The following TRAPPC9 variants were observed in gnomAD, a reference collection of about 807,000 sequenced individuals.
The protein encoded by TRAPPC9 is IKK2 binding protein.
In TRAPPC9, 83 loss-of-function variants were observed where a neutral mutation model predicts 124.0. That is an observed-to-expected ratio of 0.67 (90% confidence interval 0.56 to 0.80). The LOEUF is 0.80. Among genes scored for constraint, TRAPPC9 ranks in the 30% least tolerant of loss-of-function variants. TRAPPC9 has a pLI of 0.00. For missense variants in TRAPPC9, 1,302 were observed against 1,508.3 expected (o/e 0.86, Z 2.27); for synonymous variants, 638 against 617.5 (o/e 1.03, Z -0.49).
At chr8:140,258,987 G>A (rs1274778323) in intron 15 of TRAPPC9, among the ~76,000 whole-genome samples, 2 of 152,188 alleles carry the variant, frequency 1.3e-5, no homozygotes, top group African/African-American at 4.8e-5. Flanking sequence ...CCAAGAACCA[G>A]CCGCCCCTTT....
intron 18 of TRAPPC9, among the ~76,000 whole-genome samples, chr8:140,022,356 G>A (rs149261447): frequency 7.9e-4 from 120 of 152,222 alleles, no homozygotes; most frequent in African/African-American, 2.8e-3. Flanking sequence ...AAAGAACCAC[G>A]GAAACCAAAA....
chr8:140,212,935 G>A (rs2063095890), intron 17 of TRAPPC9, among the ~76,000 whole-genome samples: 1 of 151,776 alleles, frequency 6.6e-6, no homozygotes, highest in Non-Finnish European at 1.5e-5. Flanking sequence ...TGGGCATGGT[G>A]GCGCACACCT....
At chr8:140,392,122 C>T (rs2068944072) in intron 7 of TRAPPC9, among the ~76,000 whole-genome samples, 1 of 152,224 alleles carries the variant, frequency 6.6e-6, no homozygotes, top group South Asian at 2.1e-4. Context: ...ATTTTAGAAC[C>T]CAAATGGTTT....
chr8:140,291,097 T>C lies in TRAPPC9; in HGVS notation c.1769-19A>G. 1 of 1,604,454 alleles carries C rather than the reference T, an allele frequency of 6.2e-7. No homozygotes were observed. The highest frequency in any genetic ancestry group is 2.2e-5 in the East Asian group (1 of 44,824). ...TGGAAATCTAGAAAATACACACACA[T>C]AAATGAATCCATGTATTAGTTGGTA... is the stretch of plus-strand genomic sequence containing the variant. On this transcript the variant is annotated intron_variant, in intron 11 of 22. Transcript: ENST00000438773.
chr8:140,294,013 A>G (rs949023640), intron 11 of TRAPPC9, among the ~76,000 whole-genome samples: 7 of 152,054 alleles, frequency 4.6e-5, no homozygotes, highest in African/African-American at 1.4e-4. Flanking sequence ...CAGCAGCACA[A>G]ATGTTATGCC....
chr8:140,061,641 G>C lies in TRAPPC9; in HGVS notation c.2557-37562C>G, dbSNP rs1208300560. Among the ~76,000 whole-genome samples, 5 of 152,328 alleles carry C rather than the reference G, an allele frequency of 3.3e-5. No individual in the cohort carries two copies. The South Asian group carries it at 1.0e-3, about 32-fold the overall frequency. On this transcript the variant is annotated intron_variant, in intron 17 of 22. Coordinates refer to ENST00000438773, the MANE Select transcript of TRAPPC9 (RefSeq NM_001160372.4). ...TCTGAGCTGGGCTCTGAAGGAAAAGGAGGTGTAGACAGGCGAATGAAGTGG... is the reference window on the plus strand; with the variant it reads ...TCTGAGCTGGGCTCTGAAGGAAAAGCAGGTGTAGACAGGCGAATGAAGTGG...
intron 20 of TRAPPC9, among the ~76,000 whole-genome samples, chr8:139,901,442 T>C (rs377512204): frequency 2.6e-5 from 4 of 152,312 alleles, no homozygotes; most frequent in African/African-American, 9.6e-5. Context: ...TTTCAGTAAG[T>C]GCCCCAGCGT....
chr8:139,953,516 T>C (rs537259757), intron 19 of TRAPPC9, among the ~76,000 whole-genome samples: 2 of 152,184 alleles, frequency 1.3e-5, no homozygotes, highest in East Asian at 3.9e-4. Context: ...GAAGTAAACA[T>C]TAAAGGAAAA....
chr8:140,079,902 C>T (rs1419533667), intron 17 of TRAPPC9, among the ~76,000 whole-genome samples: 2 of 151,912 alleles, frequency 1.3e-5, no homozygotes, highest in African/African-American at 4.8e-5. Flanking sequence ...TGCACTCCAG[C>T]CTGGGCGAGA....
rs144420918 is a variant in TRAPPC9, at chr8:140,221,477, G to A, written c.2538C>T (p.Gly846=). ...AACTCACCTTCACGTGGCTGTAGTC[G>A]CCTGCTTTGTTGCTCTCGGGTGGGT... ...PVNPPESNKA[G]DYSHVKTLEA... Residue 846 remains glycine, a synonymous_variant, in exon 17 of 23, where the codon GGC becomes GGT. Transcript: ENST00000438773. The A allele has an allele frequency of 1.8e-5, 29 of 1,613,900 alleles. No individual in the cohort carries two copies. The highest frequency in any genetic ancestry group is 1.6e-4 in the Middle Eastern group (1 of 6,084).
rs35578974 is a variant in TRAPPC9 at position 139,732,095 on chromosome 8, C to T, written c.3163G>A (p.Val1055Ile). The change falls in exon 22 of 23, where the codon GTA becomes ATA. Residue 1055 changes from valine (V) to isoleucine (I), a missense_variant. By Grantham distance (29) the Val-to-Ile change is conservative. Coordinates refer to ENST00000438773, the MANE Select transcript of TRAPPC9 (RefSeq NM_001160372.4). ...VRLTNRSPRS[V>I]GPFALTVVPF... The stretch of plus-strand genomic sequence containing the variant: ...ACCACAGTGAGGGCGAAGGGCCCTA[C>T]GCTGCGCGGGCTCCGGTTGGTCAGC... 9.1e-4 allele frequency: 1,461 copies of T among 1,606,328 alleles called. 13 individuals are homozygous for T. The African/African-American group carries it at 0.016, about 18-fold the overall frequency.
chr8:139,732,745 T>C (rs1817922145), intron 21 of TRAPPC9, among the ~76,000 whole-genome samples: 1 of 152,218 alleles, frequency 6.6e-6, no homozygotes, highest in African/African-American at 2.4e-5. Context: ...GTGGCTGCAC[T>C]GTGTTTTCTT....
intron 21 of TRAPPC9, among the ~76,000 whole-genome samples, chr8:139,758,897 C>G (rs1459393370): frequency 6.6e-6 from 1 of 152,210 alleles, no homozygotes; most frequent in Non-Finnish European, 1.5e-5. Context: ...TCCCCATCCT[C>G]CAGCGGACCC....
chr8:140,454,936 T>C (rs1377530803), intron 1 of TRAPPC9, among the ~76,000 whole-genome samples: 15 of 127,638 alleles, frequency 1.2e-4, no homozygotes, highest in Admixed American at 4.8e-4. Context: ...TAAGACTCTT[T>C]AAAAAAAAAA....
chr8:139,962,926 C>G (rs1835430179), intron 19 of TRAPPC9, among the ~76,000 whole-genome samples: 1 of 152,200 alleles, frequency 6.6e-6, no homozygotes, highest in East Asian at 1.9e-4. Flanking sequence ...AGCAAGGGAA[C>G]AGATTCCCCC....
chr8:140,369,891 G>A (rs1325003053), intron 8 of TRAPPC9, among the ~76,000 whole-genome samples: 1 of 152,230 alleles, frequency 6.6e-6, no homozygotes, highest in African/African-American at 2.4e-5. Context: ...GTTGGAGGCT[G>A]CAGTGAGCCA....
chr8:140,221,207 C>A (rs1372246961), intron 17 of TRAPPC9, among the ~76,000 whole-genome samples: 1 of 152,200 alleles, frequency 6.6e-6, no homozygotes, highest in African/African-American at 2.4e-5. Flanking sequence ...GCTTTAATCA[C>A]CGCACGCCTG....
intron 10 of TRAPPC9, among the ~76,000 whole-genome samples, chr8:140,307,625 C>T (rs2066173145): frequency 6.6e-6 from 1 of 152,190 alleles, no homozygotes; most frequent in Non-Finnish European, 1.5e-5. Flanking sequence ...CATTCCCCAC[C>T]TATATCACAG....
At chr8:140,306,127 G>T (rs1414591195) in intron 10 of TRAPPC9, among the ~76,000 whole-genome samples, 1 of 152,190 alleles carries the variant, frequency 6.6e-6, no homozygotes, top group Non-Finnish European at 1.5e-5. Context: ...GTCTTTTCTA[G>T]AAGTATGGCC....
Sources: allele counts gnomAD v4.1 joint callset (sites outside exome capture counted in the v4.1 genomes callset), GRCh38; gene constraint gnomAD v4.1.1; transcripts MANE v1.5; gene names NCBI Gene and HGNC (gene_info 2026-07-23, HGNC 2026-07-21).